Variants in DMXL2 observed in about 807,000 individuals in gnomAD.
The protein encoded by DMXL2 is Dmx like 2.
DMXL2 carries 103 observed loss-of-function variants against 331.1 expected under a neutral mutation model. That is an observed-to-expected ratio of 0.31 (90% CI 0.27 to 0.37). The LOEUF (loss-of-function observed/expected upper bound fraction) is 0.37. Ranked by LOEUF, DMXL2 falls within the 10% of genes least tolerant of loss-of-function variation. The pLI is 1.00. For synonymous variants in DMXL2, 1,281 were observed against 1,252.1 expected (o/e 1.02, Z -0.49); for missense variants, 3,171 against 3,642.9 (o/e 0.87, Z 3.33).
Position 51,464,863 on chromosome 15 carries a change from T to C in DMXL2, c.7620A>G (p.Thr2540=). 6.2e-7 allele frequency: 1 copy of C among 1,613,652 alleles called. No homozygotes were observed. The highest frequency in any genetic ancestry group is 1.1e-5 in the South Asian group (1 of 90,934). Residue 2540 remains threonine, a synonymous_variant, in exon 32 of 44, where the codon ACA becomes ACG. Coordinates refer to ENST00000560891, the MANE Select transcript of DMXL2 (RefSeq NM_001378457.1). Reference sequence around the variant, plus strand: ...TAATCACAGCAATACCTAATGGTGATGTTACAGGCAGCTCTACAAGGTGAC... The same window carrying C: ...TAATCACAGCAATACCTAATGGTGACGTTACAGGCAGCTCTACAAGGTGAC... ...AGLEFSELPV[T]SPLGIAVIKN...
rs2140434251 is a variant in DMXL2 at position 51,491,154 on chromosome 15, A to C, written c.4953+424T>G. Among the ~76,000 whole-genome samples the C allele has an allele frequency of 2.0e-5, 3 of 152,342 alleles. No individual in the cohort carries two copies. In the Middle Eastern group the frequency reaches 0.01, roughly 518 times the overall value. On this transcript the variant is annotated intron_variant, in intron 20 of 43. Coordinates refer to ENST00000560891, the MANE Select transcript of DMXL2 (RefSeq NM_001378457.1). ...ATCTCCAAAAAACTTTATTTAAAAA[A>C]GTCTCACCAGGCATGGTGGCTCATG...
chr15:51,578,248 C>A (rs894517392), intron 1 of DMXL2, among the ~76,000 whole-genome samples: 1 of 152,174 alleles, frequency 6.6e-6, no homozygotes, highest in Non-Finnish European at 1.5e-5. Flanking sequence ...AAACTCAGGT[C>A]CTTACAATTC....
At chr15:51,586,445 A>C (rs2051832731) in intron 1 of DMXL2, among the ~76,000 whole-genome samples, 1 of 152,220 alleles carries the variant, frequency 6.6e-6, no homozygotes, top group South Asian at 2.1e-4. Flanking sequence ...CTAAGCGTTT[A>C]TGAGTAAGTG....
At chr15:51,546,148 C>T (rs2048878161) in intron 7 of DMXL2, among the ~76,000 whole-genome samples, 1 of 152,050 alleles carries the variant, frequency 6.6e-6, no homozygotes. Context: ...ACTTTACATC[C>T]TCCTTCCTAT....
At chr15:51,469,358 T>C (rs965690441) in intron 29 of DMXL2, among the ~76,000 whole-genome samples, 2 of 152,214 alleles carry the variant, frequency 1.3e-5, no homozygotes, top group African/African-American at 2.4e-5. Flanking sequence ...ATTCATATGC[T>C]ATTATCTCTC....
intron 13 of DMXL2, among the ~76,000 whole-genome samples, chr15:51,524,722 G>A (rs1345326568): frequency 2.0e-5 from 3 of 152,110 alleles, no homozygotes; most frequent in African/African-American, 7.2e-5. Flanking sequence ...GAGGGGAATC[G>A]CTGATCCTAT....
chr15:51,591,485 T>C (rs1230836563), intron 1 of DMXL2, among the ~76,000 whole-genome samples: 1 of 152,162 alleles, frequency 6.6e-6, no homozygotes, highest in African/African-American at 2.4e-5. Flanking sequence ...TGCCTGCCTC[T>C]GTAGACTCCA....
chr15:51,592,301 G>A (rs1277885160), intron 1 of DMXL2, among the ~76,000 whole-genome samples: 2 of 152,138 alleles, frequency 1.3e-5, no homozygotes, highest in Non-Finnish European at 2.9e-5. Context: ...TCGATCAACT[G>A]GAAGAAAGGG....
intron 1 of DMXL2, among the ~76,000 whole-genome samples, chr15:51,614,853 G>A (rs1293974887): frequency 6.6e-6 from 1 of 152,142 alleles, no homozygotes; most frequent in Non-Finnish European, 1.5e-5. Context: ...ATTTTAACAG[G>A]AGCATTCTAG....
chr15:51,473,050 C>T (rs1294946234), intron 28 of DMXL2, among the ~76,000 whole-genome samples: 1 of 152,194 alleles, frequency 6.6e-6, no homozygotes, highest in Non-Finnish European at 1.5e-5. Flanking sequence ...AAAGGCCAAA[C>T]TCAATTCTAC....
chr15:51,501,826 AG>A (rs2043633302), intron 17 of DMXL2, among the ~76,000 whole-genome samples: 3 of 151,642 alleles, frequency 2.0e-5, no homozygotes, highest in African/African-American at 7.3e-5. Flanking sequence ...AGGCTAAGGC[AG>A]GAGAATGGCA....
chr15:51,471,179 G>C, intron 29 of DMXL2, 44 bp downstream of exon 29: 6 of 1,555,994 alleles, frequency 3.9e-6, no homozygotes, highest in Non-Finnish European at 5.3e-6. Flanking sequence ...TAATAAAATA[G>C]ATGATAGACT....
chr15:51,496,047 G>A (rs1369887854), intron 18 of DMXL2, among the ~76,000 whole-genome samples: 1 of 151,950 alleles, frequency 6.6e-6, no homozygotes, highest in African/African-American at 2.4e-5. Context: ...ATCTCACTAT[G>A]TTGCCCAAGA....
At chr15:51,472,154 G>C (rs939497318) in intron 28 of DMXL2, among the ~76,000 whole-genome samples, 1 of 152,234 alleles carries the variant, frequency 6.6e-6, no homozygotes, top group South Asian at 2.1e-4. Flanking sequence ...TTGGGTATGG[G>C]AGGGCCAGAA....
rs1388208400 is a variant in DMXL2, at chr15:51,604,399, T to TA, written c.87+18059dup. On this transcript the variant is annotated intron_variant, in intron 1 of 43. Coordinates refer to ENST00000560891, the MANE Select transcript of DMXL2 (RefSeq NM_001378457.1). ...TCTACACTGAAAATCCCAAGAGATT[T>TA]ACAAAAAAAAAAAAGAAGCCTAGTG... Among the ~76,000 whole-genome samples, 115 of 139,676 alleles carry TA rather than the reference T, an allele frequency of 8.2e-4. No homozygotes were observed. In the Middle Eastern group the frequency reaches 0.011, roughly 13 times the overall value. The allele number at this position is 139,676 out of a possible 152,430, so 91.6% of individuals were successfully genotyped here. A position where few individuals can be genotyped will look rare whatever the true frequency, so the allele number is the denominator to read the frequency against.
chr15:51,489,476 G>T (rs1206681310), intron 20 of DMXL2, among the ~76,000 whole-genome samples: 2 of 152,100 alleles, frequency 1.3e-5, no homozygotes, highest in Non-Finnish European at 2.9e-5. Context: ...GGCCAACGTG[G>T]TGAAACCCCG....
At chr15:51,500,253 A>C (rs780726604) in intron 17 of DMXL2, 22 bp from the exon 18 acceptor site, 1 of 1,559,192 alleles carries the variant, frequency 6.4e-7, no homozygotes, top group Non-Finnish European at 8.6e-7. Flanking sequence ...AAAAGCAAAT[A>C]GTTAGTTGTA....
intron 9 of DMXL2, among the ~76,000 whole-genome samples, chr15:51,539,581 G>A (rs1344067431): frequency 6.6e-6 from 1 of 152,120 alleles, no homozygotes; most frequent in Non-Finnish European, 1.5e-5. Context: ...GGCCAAGGCG[G>A]GAGGATCGCT....
rs765258282 is a variant in DMXL2, at chr15:51,498,928, A to G, written c.4296T>C (p.Tyr1432=). ...TATCTTGATCTGCAGCAAGTAATGC[A>G]TATAGTGGTAGTGGAGGGATAGAAT... The part of the protein sequence containing the change: ...EIDSIPPLPL[Y]ALLAADQDTS... The change falls in exon 18 of 44, where the codon TAT becomes TAC. Residue 1432 remains tyrosine (Y), a synonymous_variant. Transcript: ENST00000560891. 2 of 1,614,144 alleles carry G rather than the reference A, an allele frequency of 1.2e-6. No homozygotes were observed. Among genetic ancestry groups the G allele is most frequent in the South Asian group, 1.1e-5 (1 of 91,078 alleles).
Sources: gnomAD v4.1 joint callset for allele counts (sites outside exome capture counted in the v4.1 genomes callset) on GRCh38, gnomAD v4.1.1 for gene constraint, MANE v1.5 for transcripts, NCBI Gene and HGNC (gene_info 2026-07-23, HGNC 2026-07-21) for gene names.